FNDC3A: variants seen among roughly 807,000 people sequenced by gnomAD.
The protein encoded by FNDC3A is fibronectin type-III domain-containing protein 3A.
A neutral mutation model predicts 148.9 loss-of-function variants in FNDC3A; 32 were observed. That is an observed-to-expected ratio of 0.21 (90% confidence interval 0.16 to 0.29). The LOEUF is 0.29. Ranked by LOEUF, FNDC3A falls within the 10% of genes least tolerant of loss-of-function variation. The probability of loss-of-function intolerance (pLI) is 1.00; values close to 1 mark genes in which losing one functional copy is unlikely to be tolerated. For missense variants in FNDC3A, 1,191 were observed against 1,452.8 expected, an observed-to-expected ratio of 0.82 and a Z score of 2.93; for synonymous variants, 472 against 473.6, an observed-to-expected ratio of 1.00 and a Z score of 0.04.
chr13:49,078,238 A>G lies in FNDC3A; in HGVS notation c.175+2874A>G, dbSNP rs146720152. 2.1e-3 allele frequency among the ~76,000 whole-genome samples: 318 copies of G among 152,324 alleles called. 3 individuals are homozygous for G. Among genetic ancestry groups the G allele is most frequent in the African/African-American group, 7.2e-3 (300 of 41,584 alleles). ...TTTCAAAAGTTAATTTGTAACTGCA[A>G]TCTGTAAACCCCACCTCCATAAATC... On this transcript the variant is annotated intron_variant, in intron 3 of 25. Transcript: ENST00000492622.
At chr13:49,037,606 G>A (rs777009143) in intron 2 of FNDC3A, among the ~76,000 whole-genome samples, 4 of 152,182 alleles carry the variant, frequency 2.6e-5, no homozygotes, top group Non-Finnish European at 5.9e-5. Context: ...ATATGTTGAA[G>A]TCCTCACCTT....
chr13:48,982,206 A>G (rs1464174601), intron 1 of FNDC3A, among the ~76,000 whole-genome samples: 1 of 152,140 alleles, frequency 6.6e-6, no homozygotes, highest in Non-Finnish European at 1.5e-5. Context: ...TGCTTAAATA[A>G]AAAGTGAAAA....
At chr13:49,162,851 CT>C (rs1334503923) in intron 8 of FNDC3A, among the ~76,000 whole-genome samples, 2 of 152,040 alleles carry the variant, frequency 1.3e-5, no homozygotes, top group East Asian at 1.9e-4. Context: ...GTTAGTTTTC[CT>C]TCTAACAGTC....
chr13:49,063,601 G>A (rs967856709), intron 2 of FNDC3A, among the ~76,000 whole-genome samples: 8 of 152,098 alleles, frequency 5.3e-5, no homozygotes, highest in Non-Finnish European at 1.2e-4. Flanking sequence ...GCTATTGATT[G>A]GGTATACATT....
intron 13 of FNDC3A, among the ~76,000 whole-genome samples, chr13:49,177,306 G>A (rs1482145775): frequency 2.0e-5 from 3 of 152,254 alleles, no homozygotes; most frequent in Non-Finnish European, 4.4e-5. Context: ...TTCTCTAACT[G>A]TATTTATACA....
intron 2 of FNDC3A, among the ~76,000 whole-genome samples, chr13:49,072,404 G>A (rs1452139872): frequency 6.6e-6 from 1 of 152,056 alleles, no homozygotes; most frequent in Non-Finnish European, 1.5e-5. Context: ...AAATGAGTTG[G>A]CTCTAAGTGC....
intron 19 of FNDC3A, among the ~76,000 whole-genome samples, chr13:49,194,060 G>A (rs1243759326): frequency 3.3e-5 from 5 of 151,822 alleles, no homozygotes; most frequent in Admixed American, 3.3e-4. Context: ...CAGGAGTTCG[G>A]GACCAGCCTG....
chr13:49,064,290 A>G (rs1877100872), intron 2 of FNDC3A, among the ~76,000 whole-genome samples: 1 of 152,078 alleles, frequency 6.6e-6, no homozygotes, highest in South Asian at 2.1e-4. Flanking sequence ...GCAGTGAGCC[A>G]AGATCGTGCC....
At chr13:49,098,407 G>A (rs1324432068) in intron 3 of FNDC3A, among the ~76,000 whole-genome samples, 1 of 152,080 alleles carries the variant, frequency 6.6e-6, no homozygotes, top group Admixed American at 6.6e-5. Flanking sequence ...ATGTGCTGCA[G>A]TAAATCCTAA....
intron 3 of FNDC3A, among the ~76,000 whole-genome samples, chr13:49,079,261 C>G (rs916734445): frequency 6.6e-6 from 1 of 152,022 alleles, no homozygotes; most frequent in Admixed American, 6.6e-5. Context: ...GTATACTGTG[C>G]TAGTTGCTGG....
At chr13:49,102,434 A>G (rs985900973) in intron 3 of FNDC3A, among the ~76,000 whole-genome samples, 3 of 152,186 alleles carry the variant, frequency 2.0e-5, no homozygotes, top group Non-Finnish European at 2.9e-5. Flanking sequence ...CTTAGGGCAT[A>G]ATAGTGTTGG....
At chr13:49,035,324 C>G (rs545884327) in intron 2 of FNDC3A, among the ~76,000 whole-genome samples, 3 of 152,090 alleles carry the variant, frequency 2.0e-5, no homozygotes, top group African/African-American at 7.2e-5. Flanking sequence ...TATGTATACA[C>G]TGTATATACA....
In FNDC3A at chr13:49,185,956, C is replaced by T. The variant is rs1438470086; in HGVS notation, c.1618-8C>T. 4.4e-6 allele frequency: 7 copies of T among 1,605,112 alleles called. No homozygotes were observed. In the South Asian group the frequency reaches 4.4e-5, roughly 10 times the overall value. Reference sequence around the variant, plus strand: ...GTATTATTTAATGTCTTTCTGTTCTCATCACAGGTTATTGCTTACAACTCA... The same window carrying T: ...GTATTATTTAATGTCTTTCTGTTCTTATCACAGGTTATTGCTTACAACTCA... On this transcript the variant is annotated splice_polypyrimidine_tract_variant and splice_region_variant and intron_variant, in intron 14 of 25. Coordinates refer to ENST00000492622, the MANE Select transcript of FNDC3A (RefSeq NM_001079673.2).
At chr13:49,024,732 C>A (rs1039745998) in intron 2 of FNDC3A, among the ~76,000 whole-genome samples, 1 of 151,746 alleles carries the variant, frequency 6.6e-6, no homozygotes, top group African/African-American at 2.4e-5. Flanking sequence ...AAGGAAAGTA[C>A]CTCAATGCAA....
At chr13:48,988,843 T>TC (rs538376883) in intron 1 of FNDC3A, among the ~76,000 whole-genome samples, 494 of 135,302 alleles carry the variant, frequency 3.7e-3, no homozygotes, top group African/African-American at 0.014. Context: ...AGAACTTGTC[T>TC]CAAAAAAAAA....
chr13:49,025,910 CAT>C (rs990575937), intron 2 of FNDC3A, among the ~76,000 whole-genome samples: 1 of 152,124 alleles, frequency 6.6e-6, no homozygotes, highest in Non-Finnish European at 1.5e-5. Context: ...AAATCCAACA[CAT>C]ATATACTTCT....
At chr13:49,194,018 G>C (rs1886025709) in intron 19 of FNDC3A, among the ~76,000 whole-genome samples, 1 of 151,982 alleles carries the variant, frequency 6.6e-6, no homozygotes, top group Non-Finnish European at 1.5e-5. Flanking sequence ...CCCAATACTT[G>C]GGGAGGCCGA....
intron 2 of FNDC3A, among the ~76,000 whole-genome samples, chr13:49,032,872 G>A (rs1250323344): frequency 6.6e-6 from 1 of 151,960 alleles, no homozygotes; most frequent in African/African-American, 2.4e-5. Context: ...AAATTTTATT[G>A]CATATAGATT....
intron 4 of FNDC3A, among the ~76,000 whole-genome samples, chr13:49,118,585 C>T (rs1881120413): frequency 6.6e-6 from 1 of 152,216 alleles, no homozygotes; most frequent in Non-Finnish European, 1.5e-5. Context: ...CCACAGAGCT[C>T]AGCAAGCTAA....
Sources: gnomAD v4.1 joint callset for allele counts (sites outside exome capture counted in the v4.1 genomes callset) on GRCh38, gnomAD v4.1.1 for gene constraint, MANE v1.5 for transcripts, NCBI Gene and HGNC (gene_info 2026-07-23, HGNC 2026-07-21) for gene names.